ADAMTS20: variants seen among roughly 807,000 people sequenced by gnomAD.
The protein encoded by ADAMTS20 is ADAM metallopeptidase with thrombospondin type 1 motif 20.
A neutral mutation model predicts 260.1 loss-of-function variants in ADAMTS20; 225 were observed. That is an observed-to-expected ratio of 0.87 (90% CI 0.78 to 0.97). The LOEUF (loss-of-function observed/expected upper bound fraction) is 0.97, where lower values mean the gene tolerates loss of function less well. ADAMTS20 is among the 50% of genes least tolerant of loss of function. ADAMTS20 has a pLI of 0.00. For synonymous variants in ADAMTS20, 802 were observed against 769.5 expected (o/e 1.04, Z -0.70); for missense variants, 2,400 against 2,337.7 (o/e 1.03, Z -0.55).
At chr12:43,427,188 C>A (rs1941348938) in intron 27 of ADAMTS20, 120 bp downstream of exon 27, 4 of 1,219,764 alleles carry the variant, frequency 3.3e-6, no homozygotes, top group East Asian at 5.5e-5. Flanking sequence ...ACAAAAAAAA[C>A]AAAAATTCTT....
intron 4 of ADAMTS20, among the ~76,000 whole-genome samples, chr12:43,499,569 G>A (rs111674507): frequency 6.7e-6 from 1 of 149,776 alleles, no homozygotes; most frequent in Non-Finnish European, 1.5e-5. Context: ...GCTGGGAACC[G>A]AGATTCCCAG....
chr12:43,542,714 C>T (rs1344936649), intron 2 of ADAMTS20, among the ~76,000 whole-genome samples: 1 of 152,134 alleles, frequency 6.6e-6, no homozygotes, highest in Admixed American at 6.5e-5. Flanking sequence ...TGGCAACTGT[C>T]ACAGAAAACT....
intron 3 of ADAMTS20, among the ~76,000 whole-genome samples, chr12:43,520,261 A>G (rs1168260333): frequency 6.6e-6 from 1 of 152,200 alleles, no homozygotes; most frequent in East Asian, 1.9e-4. Flanking sequence ...TTTTAATCTA[A>G]AAACAAGCGC....
rs1485080258 is a variant in ADAMTS20 at position 43,428,397 on chromosome 12, G to A, written c.3789C>T (p.Cys1263=). The change falls in exon 26 of 39, where the codon TGC becomes TGT. Residue 1263 remains cysteine, a synonymous_variant. Coordinates refer to ENST00000389420, the MANE Select transcript of ADAMTS20 (RefSeq NM_025003.5). Reference sequence around the variant, plus strand: ...TAGGAAAGTGGCTGTGTGCAGGAGGGCAGGCTGCCAGGCTACATTCCTGTT... The same window carrying A: ...TAGGAAAGTGGCTGTGTGCAGGAGGACAGGCTGCCAGGCTACATTCCTGTT... ...LMEQECSLAA[C]PPAHSHFPSS... is the part of the protein sequence containing the mutation. 4 of 1,613,834 alleles carry A rather than the reference G, an allele frequency of 2.5e-6. No individual in the cohort carries two copies. The highest frequency in any genetic ancestry group is 1.7e-4 in the Middle Eastern group (1 of 6,060).
intron 7 of ADAMTS20, among the ~76,000 whole-genome samples, chr12:43,481,195 A>T (rs1483662947): frequency 1.3e-5 from 2 of 152,170 alleles, no homozygotes; most frequent in East Asian, 3.9e-4. Flanking sequence ...CTTGGTGATG[A>T]CCTTGAGCAG....
chr12:43,474,455 T>C (rs2137400202), intron 7 of ADAMTS20, among the ~76,000 whole-genome samples: 1 of 149,248 alleles, frequency 6.7e-6, no homozygotes. Context: ...TTCCAATCAA[T>C]AGAAAAAGAG....
intron 2 of ADAMTS20, among the ~76,000 whole-genome samples, chr12:43,546,438 C>A (rs1943441586): frequency 6.6e-6 from 1 of 151,902 alleles, no homozygotes; most frequent in Non-Finnish European, 1.5e-5. Flanking sequence ...TTGAGTTAAT[C>A]CCCGAGGACC....
intron 7 of ADAMTS20, among the ~76,000 whole-genome samples, chr12:43,483,939 G>C (rs1307260702): frequency 6.6e-6 from 1 of 152,144 alleles, no homozygotes; most frequent in African/African-American, 2.4e-5. Flanking sequence ...GGGGCAACAA[G>C]ATAAGTGTCA....
chr12:43,379,716 CAGTT>C (rs1940308486), intron 31 of ADAMTS20, among the ~76,000 whole-genome samples: 1 of 152,122 alleles, frequency 6.6e-6, no homozygotes, highest in Non-Finnish European at 1.5e-5. Flanking sequence ...ATAGACTTAA[CAGTT>C]AGTTCAGAAA....
chr12:43,455,711 CTT>C (rs35614063), intron 11 of ADAMTS20, among the ~76,000 whole-genome samples: 290 of 143,352 alleles, frequency 2.0e-3, no homozygotes, highest in Middle Eastern at 3.6e-3. Context: ...TTGCTTTCAT[CTT>C]TTTTTTTTTT....
chr12:43,439,176 T>C (rs1224015121), intron 18 of ADAMTS20, among the ~76,000 whole-genome samples: 1 of 152,208 alleles, frequency 6.6e-6, no homozygotes, highest in African/African-American at 2.4e-5. Context: ...TCTATACAAT[T>C]ATACTTTCTC....
intron 7 of ADAMTS20, among the ~76,000 whole-genome samples, chr12:43,485,596 AG>A (rs1942511576): frequency 6.6e-6 from 1 of 152,166 alleles, no homozygotes. Flanking sequence ...AAAGAAATAA[AG>A]GGCATCCAAA....
chr12:43,408,864 T>C (rs981617427), intron 28 of ADAMTS20, among the ~76,000 whole-genome samples: 5 of 152,184 alleles, frequency 3.3e-5, no homozygotes, highest in African/African-American at 1.2e-4. Flanking sequence ...TACATGGGAT[T>C]TGGTGTCAGA....
chr12:43,500,278 C>A (rs944614217), intron 4 of ADAMTS20, among the ~76,000 whole-genome samples: 1 of 152,186 alleles, frequency 6.6e-6, no homozygotes, highest in African/African-American at 2.4e-5. Context: ...ATCTGCATGC[C>A]TCGGCCTCTC....
Position 43,452,650 on chromosome 12 carries a change from A to C in ADAMTS20, c.1806T>G (p.Phe602Leu). ...GNYCVGRRMK[F>L]RSCNTDSCPK... ...GACATGAATCAGTATTACATGATCG[A>C]AATTTCATCCTGCGGCCCACACAGT... is the stretch of plus-strand genomic sequence containing the variant. The change falls in exon 13 of 39, where the codon TTT becomes TTG. Residue 602 changes from phenylalanine to leucine, a missense_variant. Physicochemically the swap from Phe to Leu is conservative, Grantham distance 22 (BLOSUM62 0). Coordinates refer to ENST00000389420, the MANE Select transcript of ADAMTS20 (RefSeq NM_025003.5). 1 of 1,611,988 alleles carries C rather than the reference A, an allele frequency of 6.2e-7. No homozygotes were observed. Among genetic ancestry groups the C allele is most frequent in the Non-Finnish European group, 8.5e-7 (1 of 1,178,884 alleles).
intron 7 of ADAMTS20, among the ~76,000 whole-genome samples, chr12:43,474,979 G>C (rs1942326665): frequency 8.4e-6 from 1 of 119,020 alleles, no homozygotes; most frequent in East Asian, 3.0e-4. Context: ...AGTGTTGGAA[G>C]TTCTGGCCAG....
chr12:43,369,091 C>T (rs906071803), intron 37 of ADAMTS20, among the ~76,000 whole-genome samples, 199 bp downstream of exon 37: 1 of 152,002 alleles, frequency 6.6e-6, no homozygotes, highest in Non-Finnish European at 1.5e-5. Flanking sequence ...TATTGTTATG[C>T]CTTTTAAACA....
chr12:43,466,746 T>C lies in ADAMTS20; in HGVS notation c.1273A>G (p.Thr425Ala). 1 of 1,609,958 alleles carries C rather than the reference T, an allele frequency of 6.2e-7. No homozygotes were observed. Among genetic ancestry groups the C allele is most frequent in the Non-Finnish European group, 8.5e-7 (1 of 1,176,958 alleles). ...DNPRCKEMKV[T>A]KYHVMAPALS... The stretch of plus-strand genomic sequence containing the variant: ...GCAGGGGCCATTACATGATACTTTG[T>C]AACTTTCATTTCTTTACATCTAGGA... The change falls in exon 9 of 39, where the codon ACA becomes GCA. Residue 425 changes from threonine (T) to alanine (A), a missense_variant. Thr to Ala is a moderately conservative substitution (Grantham distance 58, BLOSUM62 0). Transcript: ENST00000389420.
chr12:43,503,167 C>T (rs542159255), intron 3 of ADAMTS20, among the ~76,000 whole-genome samples: 1 of 152,058 alleles, frequency 6.6e-6, no homozygotes, highest in Non-Finnish European at 1.5e-5. Context: ...ATAGGCTGCA[C>T]AGGTGCTTGT....
Sources: allele counts gnomAD v4.1 joint callset (sites outside exome capture counted in the v4.1 genomes callset), GRCh38; gene constraint gnomAD v4.1.1; transcripts MANE v1.5; gene names NCBI Gene and HGNC (gene_info 2026-07-23, HGNC 2026-07-21).